Variants in DLGAP1 observed in about 807,000 individuals in gnomAD.
The protein encoded by DLGAP1 is DLG associated protein 1.
DLGAP1 carries 11 observed loss-of-function variants against 90.8 expected under a neutral mutation model. The ratio of observed to expected loss-of-function variants is 0.12; its 90% CI spans 0.08 to 0.20. The LOEUF (loss-of-function observed/expected upper bound fraction) is 0.20, where lower values mean the gene tolerates loss of function less well. DLGAP1 is among the 10% of genes least tolerant of loss of function. The pLI is 1.00. For missense variants in DLGAP1, 1,050 were observed against 1,333.8 expected, an observed-to-expected ratio of 0.79 and a Z score of 3.31; for synonymous variants, 558 against 540.7, an observed-to-expected ratio of 1.03 and a Z score of -0.44.
At chr18:4,113,279 T>G (rs2076005231) in intron 2 of DLGAP1, among the ~76,000 whole-genome samples, 1 of 152,136 alleles carries the variant, frequency 6.6e-6, no homozygotes, top group Admixed American at 6.5e-5. Context: ...CTGCTGTTTT[T>G]GGACTTTTTA....
intron 4 of DLGAP1, among the ~76,000 whole-genome samples, chr18:3,876,957 T>G (rs2071020392): frequency 6.6e-6 from 1 of 152,198 alleles, no homozygotes; most frequent in Admixed American, 6.5e-5. Context: ...TTTGATGCCC[T>G]TGATTTCAGG....
intron 2 of DLGAP1, among the ~76,000 whole-genome samples, chr18:4,092,051 T>C (rs148953437): frequency 1.3e-5 from 2 of 152,284 alleles, no homozygotes; most frequent in African/African-American, 4.8e-5. Context: ...TCAATCTAGT[T>C]AGAAGTTGAG....
intron 5 of DLGAP1, among the ~76,000 whole-genome samples, chr18:3,796,064 C>T (rs1252016155): frequency 6.6e-6 from 1 of 152,070 alleles, no homozygotes; most frequent in Non-Finnish European, 1.5e-5. Context: ...CAATTAGTAG[C>T]CAGGTTTCCC....
chr18:4,136,338 T>C (rs1184254050), intron 2 of DLGAP1, among the ~76,000 whole-genome samples: 1 of 152,182 alleles, frequency 6.6e-6, no homozygotes, highest in East Asian at 1.9e-4. Flanking sequence ...TCCACAGTGG[T>C]TGTACGAATG....
intron 1 of DLGAP1, among the ~76,000 whole-genome samples, chr18:4,291,545 TATAC>T (rs201623485): frequency 0.03 from 4,597 of 152,190 alleles, 155 homozygotes; most frequent in African/African-American, 0.085. Context: ...TGGATTATTT[TATAC>T]ATACATACAT....
intron 1 of DLGAP1, among the ~76,000 whole-genome samples, chr18:4,343,118 T>A (rs765127918): frequency 2.9e-4 from 44 of 151,758 alleles, no homozygotes; most frequent in Non-Finnish European, 8.8e-5. Flanking sequence ...CCATCCTGTC[T>A]AACATGGTGA....
At chr18:4,205,721 G>A (rs1487909659) in intron 1 of DLGAP1, among the ~76,000 whole-genome samples, 1 of 152,204 alleles carries the variant, frequency 6.6e-6, no homozygotes, top group Non-Finnish European at 1.5e-5. Context: ...CACATTTCAA[G>A]TGCTCAATAG....
chr18:4,165,436 A>G (rs1314171434), intron 1 of DLGAP1, among the ~76,000 whole-genome samples: 1 of 152,212 alleles, frequency 6.6e-6, no homozygotes, highest in Non-Finnish European at 1.5e-5. Flanking sequence ...AAAATTAGAA[A>G]AGTCTGTCAC....
rs531694122 is a variant in DLGAP1 at position 3,918,422 on chromosome 18, C to T, written c.-72-38282G>A. On this transcript the variant is annotated intron_variant, in intron 3 of 12. Coordinates refer to ENST00000315677, the MANE Select transcript of DLGAP1 (RefSeq NM_004746.4). ...TCTTCTGTGAAATAAAAATACTGTG[C>T]TAGACGTTTTCCAGGCTGTTTTTAA... Among the ~76,000 whole-genome samples the T allele has an allele frequency of 1.8e-4, 28 of 152,214 alleles. 1 individual carries two copies. The South Asian group carries it at 5.4e-3, about 29-fold the overall frequency.
intron 2 of DLGAP1, among the ~76,000 whole-genome samples, chr18:4,072,146 T>C (rs1229843776): frequency 6.6e-6 from 1 of 151,984 alleles, no homozygotes; most frequent in Admixed American, 6.6e-5. Flanking sequence ...GTGTAGATGT[T>C]AAGCAGTATA....
At chr18:4,146,077 A>C (rs182606216) in intron 2 of DLGAP1, among the ~76,000 whole-genome samples, 86 of 152,294 alleles carry the variant, frequency 5.6e-4, no homozygotes, top group Middle Eastern at 3.4e-3. Flanking sequence ...GTCCTAAATA[A>C]AAGTTTCTTA....
chr18:4,079,621 C>T (rs982331684), intron 2 of DLGAP1, among the ~76,000 whole-genome samples: 1 of 151,814 alleles, frequency 6.6e-6, no homozygotes, highest in Non-Finnish European at 1.5e-5. Flanking sequence ...ACCACAATCT[C>T]AGACTTCACC....
intron 3 of DLGAP1, among the ~76,000 whole-genome samples, chr18:3,925,041 C>G (rs892872134): frequency 6.6e-6 from 1 of 152,120 alleles, no homozygotes; most frequent in South Asian, 2.1e-4. Flanking sequence ...CAACCTCCGC[C>G]GCCTGAGTTC....
At chr18:3,700,056 A>AGGCT (rs1167008051) in intron 7 of DLGAP1, among the ~76,000 whole-genome samples, 1 of 152,146 alleles carries the variant, frequency 6.6e-6, no homozygotes, top group Non-Finnish European at 1.5e-5. Flanking sequence ...TTAGCTTGCT[A>AGGCT]GGCTCTCTGG....
In DLGAP1 at chr18:3,580,525, G is replaced by A. The variant is rs374753085; in HGVS notation, c.1965+1350C>T. ...AGGAGGAGGAGGAAGAGGAGGCGGC[G>A]GCAGCGGAGATGGCAGTGGAGGTGG... On this transcript the variant is annotated intron_variant, in intron 8 of 12. Transcript: ENST00000315677. 2.0e-3 allele frequency: 3,212 copies of A among 1,598,460 alleles called. 31 individuals are homozygous for A. The East Asian group carries it at 0.022, about 11-fold the overall frequency.
intron 2 of DLGAP1, among the ~76,000 whole-genome samples, chr18:4,070,709 G>T (rs2143458853): frequency 6.6e-6 from 1 of 152,026 alleles, no homozygotes; most frequent in South Asian, 2.1e-4. Flanking sequence ...TTTCCATATG[G>T]ATAAAAAGGT....
chr18:4,422,175 T>C (rs2083052061), intron 1 of DLGAP1, among the ~76,000 whole-genome samples: 1 of 151,776 alleles, frequency 6.6e-6, no homozygotes, highest in Non-Finnish European at 1.5e-5. Flanking sequence ...TACCTGAGGC[T>C]TAATTTATAA....
At chr18:3,646,850 G>A (rs1194281533) in intron 7 of DLGAP1, among the ~76,000 whole-genome samples, 6 of 152,116 alleles carry the variant, frequency 3.9e-5, no homozygotes, top group South Asian at 2.1e-4. Flanking sequence ...GCTTGAACCC[G>A]GGAGGCGGAG....
intron 1 of DLGAP1, among the ~76,000 whole-genome samples, chr18:4,192,650 A>G (rs1323752707): frequency 6.6e-6 from 1 of 152,208 alleles, no homozygotes; most frequent in Non-Finnish European, 1.5e-5. Flanking sequence ...GATTAACATT[A>G]AAGTCAAGAA....
Sources: gnomAD v4.1 joint callset for allele counts (sites outside exome capture counted in the v4.1 genomes callset) on GRCh38, gnomAD v4.1.1 for gene constraint, MANE v1.5 for transcripts, NCBI Gene and HGNC (gene_info 2026-07-23, HGNC 2026-07-21) for gene names.